NF2: variants seen among roughly 807,000 people sequenced by gnomAD.
NF2 encodes NF2, moesin-ezrin-radixin like (MERLIN) tumor suppressor, also known as merlin.
NF2 carries 8 observed loss-of-function variants against 83.7 expected under a neutral mutation model. The ratio of observed to expected loss-of-function variants is 0.10; its 90% CI spans 0.06 to 0.17. NF2 has a LOEUF of 0.17. Among genes scored for constraint, NF2 ranks in the 10% least tolerant of loss-of-function variants. The pLI is 1.00. For synonymous variants in NF2, 266 were observed against 269.6 expected (o/e 0.99, Z 0.13); for missense variants, 533 against 744.4 (o/e 0.72, Z 3.31).
intron 8 of NF2, among the ~76,000 whole-genome samples, chr22:29,663,014 C>T (rs2066521325): frequency 6.6e-6 from 1 of 152,202 alleles, no homozygotes; most frequent in Non-Finnish European, 1.5e-5. Flanking sequence ...CCCCTGGTTT[C>T]CAGTATATGG....
chr22:29,679,301 T>A (rs2067058810), intron 14 of NF2, among the ~76,000 whole-genome samples: 1 of 152,112 alleles, frequency 6.6e-6, no homozygotes, highest in Non-Finnish European at 1.5e-5. Context: ...TGGAGTCCAG[T>A]ATGGGCAACC....
At chr22:29,622,366 G>A (rs1361073049) in intron 1 of NF2, among the ~76,000 whole-genome samples, 1 of 152,104 alleles carries the variant, frequency 6.6e-6, no homozygotes, top group Non-Finnish European at 1.5e-5. Flanking sequence ...ATGATATAAT[G>A]AGAATTCCTT....
chr22:29,650,399 G>A (rs1287506512), intron 4 of NF2, among the ~76,000 whole-genome samples: 1 of 151,944 alleles, frequency 6.6e-6, no homozygotes, highest in Non-Finnish European at 1.5e-5. Flanking sequence ...TTTAAAATTT[G>A]CATTTCCTTG....
intron 1 of NF2, among the ~76,000 whole-genome samples, chr22:29,629,208 A>C (rs1467286562): frequency 6.6e-6 from 1 of 152,186 alleles, no homozygotes; most frequent in East Asian, 1.9e-4. Flanking sequence ...AGACACAAGA[A>C]CAGCTTTTGT....
At chr22:29,668,177 G>A (rs2066679592) in intron 9 of NF2, among the ~76,000 whole-genome samples, 156 bp from the exon 10 acceptor site, 1 of 152,234 alleles carries the variant, frequency 6.6e-6, no homozygotes, top group Admixed American at 6.5e-5. Flanking sequence ...GACGGCACTA[G>A]AGGCCACTAG....
intron 6 of NF2, among the ~76,000 whole-genome samples, chr22:29,655,940 GA>G (rs1157526565): frequency 4.6e-5 from 7 of 150,792 alleles, no homozygotes; most frequent in African/African-American, 9.7e-5. Context: ...TTAAGTTTAA[GA>G]TTTTTTTTTT....
At chr22:29,617,489 T>A (rs1010540729) in intron 1 of NF2, among the ~76,000 whole-genome samples, 1 of 152,112 alleles carries the variant, frequency 6.6e-6, no homozygotes, top group African/African-American at 2.4e-5. Context: ...CCATCCCAGT[T>A]GTTGTGACAA....
At chr22:29,676,599 G>A (rs1601655697) in intron 13 of NF2, among the ~76,000 whole-genome samples, 1 of 152,180 alleles carries the variant, frequency 6.6e-6, no homozygotes, top group Non-Finnish European at 1.5e-5. Context: ...ATGTTTTGTT[G>A]TGTGGATGGA....
Position 29,643,840 on chromosome 22 carries a change from G to A in NF2, c.447+1555G>A, listed in dbSNP as rs971109655. Among the ~76,000 whole-genome samples the A allele has an allele frequency of 7.7e-3, 1,169 of 152,190 alleles. 8 individuals are homozygous for A. The highest frequency in any genetic ancestry group is 0.023 in the East Asian group (119 of 5,134). On this transcript the variant is annotated intron_variant, in intron 4 of 15. Coordinates refer to ENST00000338641, the MANE Select transcript of NF2 (RefSeq NM_000268.4). ...CAGACGGGGTGGTGGCCGGGCAGAG[G>A]GGCTCCTTACTTCCCAGTAGGGGCG...
At chr22:29,604,784 A>G (rs2064743194) in intron 1 of NF2, among the ~76,000 whole-genome samples, 2 of 152,200 alleles carry the variant, frequency 1.3e-5, no homozygotes, top group South Asian at 4.1e-4. Flanking sequence ...TGGCAGCAGT[A>G]AGCAAGGGTT....
At position 29,674,879 on chromosome 22, in the gene NF2, C is replaced by G. The variant is rs771143279; in HGVS notation, c.1384C>G (p.Arg462Gly). Reference sequence around the variant, plus strand: ...GCTGAAGCAGGACCTGCAGGAAGCACGCGAGGCGGAGCGAAGAGCCAAGCA... The same window carrying G: ...GCTGAAGCAGGACCTGCAGGAAGCAGGCGAGGCGGAGCGAAGAGCCAAGCA... ...DQLKQDLQEA[R>G]EAERRAKQKL... Residue 462 changes from arginine (R) to glycine (G), a missense_variant, in exon 13 of 16, where the codon CGC (arginine) becomes GGC (glycine). Coordinates refer to ENST00000338641, the MANE Select transcript of NF2 (RefSeq NM_000268.4). 2 of 1,572,458 alleles carry G rather than the reference C, an allele frequency of 1.3e-6. No homozygotes were observed. Among genetic ancestry groups the G allele is most frequent in the South Asian group, 1.2e-5 (1 of 85,396 alleles).
intron 1 of NF2, among the ~76,000 whole-genome samples, chr22:29,618,816 T>C (rs1182555645): frequency 2.6e-5 from 4 of 152,210 alleles, no homozygotes; most frequent in African/African-American, 9.7e-5. Flanking sequence ...CATTCCAGCA[T>C]ACAAGTGGAC....
rs2147070569 is a variant in NF2, at chr22:29,671,815, A to G, written c.1000-11A>G. 6.2e-7 allele frequency: 1 copy of G among 1,613,862 alleles called. No homozygotes were observed. Among genetic ancestry groups the G allele is most frequent in the Non-Finnish European group, 8.5e-7 (1 of 1,179,970 alleles). ...TGTGATTCAATGACTGTTTTTCTTCACCCCTCGCAGATGGAGCGGCAGCGC... is the reference window on the plus strand; with the variant it reads ...TGTGATTCAATGACTGTTTTTCTTCGCCCCTCGCAGATGGAGCGGCAGCGC... On this transcript the variant is annotated splice_polypyrimidine_tract_variant and intron_variant, in intron 10 of 15. Coordinates refer to ENST00000338641, the MANE Select transcript of NF2 (RefSeq NM_000268.4).
chr22:29,647,815 G>A (rs968805156), intron 4 of NF2, among the ~76,000 whole-genome samples: 2 of 152,038 alleles, frequency 1.3e-5, no homozygotes, highest in Non-Finnish European at 2.9e-5. Context: ...TTATTTATCT[G>A]TTCCTCTTCT....
chr22:29,606,442 CAGAG>C (rs2064799738), intron 1 of NF2, among the ~76,000 whole-genome samples: 1 of 152,238 alleles, frequency 6.6e-6, no homozygotes, highest in African/African-American at 2.4e-5. Flanking sequence ...GGGTATTTCT[CAGAG>C]AGAATCTTTC....
intron 15 of NF2, chr22:29,683,026 G>C: frequency 6.2e-7 from 1 of 1,614,186 alleles, no homozygotes; most frequent in Non-Finnish European, 8.5e-7. Context: ...TTAGCCTCAA[G>C]CCCAAGGCAG....
chr22:29,649,334 A>G (rs1353307573), intron 4 of NF2, among the ~76,000 whole-genome samples: 1 of 152,112 alleles, frequency 6.6e-6, no homozygotes, highest in Non-Finnish European at 1.5e-5. Context: ...TAATCCCAAC[A>G]CTTTGGGAGG....
intron 1 of NF2, 44 bp downstream of exon 1, chr22:29,604,156 G>T: frequency 5.5e-6 from 8 of 1,454,772 alleles, no homozygotes; most frequent in South Asian, 1.2e-5. Flanking sequence ...CAGTCGAGGT[G>T]GAAGCTCGAG....
Position 29,636,895 on chromosome 22 carries a change from G to T in NF2, c.240+19G>T, listed in dbSNP as rs2146855386. 1 of 1,613,892 alleles carries T rather than the reference G, an allele frequency of 6.2e-7. No individual in the cohort carries two copies. The highest frequency in any genetic ancestry group is 2.2e-5 in the East Asian group (1 of 44,888). ...CAAGAAGGTTGGGCTAGAACTCGATGAAACTGGTGGGGCTGACGTGAGCTT... is the reference window on the plus strand; with the variant it reads ...CAAGAAGGTTGGGCTAGAACTCGATTAAACTGGTGGGGCTGACGTGAGCTT... On this transcript the variant is annotated intron_variant, in intron 2 of 15. Transcript: ENST00000338641. This position sits in a 1 kb window ranked among gnomAD's most constrained non-coding sequence, Gnocchi z 4.4.
Sources: gnomAD v4.1 joint callset for allele counts (sites outside exome capture counted in the v4.1 genomes callset) on GRCh38, gnomAD v4.1.1 for gene constraint, Gnocchi (gnomAD v3.1) non-coding constraint, MANE v1.5 for transcripts, NCBI Gene and HGNC (gene_info 2026-07-23, HGNC 2026-07-21) for gene names.